The following COX7B2 variants were observed in gnomAD, a reference collection of about 807,000 sequenced individuals.
COX7B2 encodes cytochrome c oxidase subunit 7B2, mitochondrial.
For synonymous variants in COX7B2, 37 were observed against 32.1 expected (o/e 1.15, Z -0.51); for missense variants, 109 against 95.9 (o/e 1.14, Z -0.57).
chr4:46,779,017 T>C lies in COX7B2; in HGVS notation c.-49-43776A>G, dbSNP rs149994490. Among the ~76,000 whole-genome samples, 27 of 152,358 alleles carry C rather than the reference T, an allele frequency of 1.8e-4. 1 individual carries two copies. Among genetic ancestry groups the C allele is most frequent in the African/African-American group, 5.8e-4 (24 of 41,598 alleles). On this transcript the variant is annotated intron_variant, in intron 2 of 2. Coordinates refer to ENST00000355591, the MANE Select transcript of COX7B2 (RefSeq NM_130902.3). ...TACTGAAAATTTTTACATTCATTGA[T>C]ACAATTCTTTTGACAAAGAGTGTGG...
At chr4:46,753,375 A>G (rs775489115) in intron 2 of COX7B2, among the ~76,000 whole-genome samples, 65 of 152,096 alleles carry the variant, frequency 4.3e-4, no homozygotes, top group Middle Eastern at 3.4e-3. Context: ...CCAGCACCCA[A>G]TGGAACAGAA....
At chr4:46,785,301 T>C (rs1317904446) in intron 2 of COX7B2, among the ~76,000 whole-genome samples, 1 of 151,888 alleles carries the variant, frequency 6.6e-6, no homozygotes, top group Non-Finnish European at 1.5e-5. Context: ...AATACAATAC[T>C]GCTTTCATTA....
intron 2 of COX7B2, among the ~76,000 whole-genome samples, chr4:46,770,024 T>TA (rs1716781638): frequency 6.6e-6 from 1 of 152,122 alleles, no homozygotes; most frequent in Admixed American, 6.6e-5. Flanking sequence ...GAGGAAGTGA[T>TA]AAAATGCATC....
chr4:46,746,538 A>C lies in COX7B2; in HGVS notation c.-49-11297T>G, dbSNP rs1715035887. On this transcript the variant is annotated intron_variant, in intron 2 of 2. Transcript: ENST00000355591. The stretch of plus-strand genomic sequence containing the variant: ...CAAAAGATGTCCAGTATACATTGAA[A>C]GTACAGTGGAAACAGAGGTTTATTC... Among the ~76,000 whole-genome samples the C allele has an allele frequency of 4.4e-5, 6 of 137,184 alleles. No homozygotes were observed. In the Admixed American group the frequency reaches 4.7e-4, roughly 11 times the overall value. 90.0% of individuals were successfully genotyped at this position (137,184 alleles called of 152,430 possible). A position where few individuals can be genotyped will look rare whatever the true frequency, so the allele number is the denominator to read the frequency against.
At chr4:46,778,772 G>T (rs1451100132) in intron 2 of COX7B2, among the ~76,000 whole-genome samples, 1 of 152,078 alleles carries the variant, frequency 6.6e-6, no homozygotes, top group East Asian at 1.9e-4. Context: ...TTTAGCATCT[G>T]TTACTTCAGT....
Position 46,810,381 on chromosome 4 carries a change from T to C in COX7B2, c.-50+34579A>G, listed in dbSNP as rs184429277. 2.0e-5 allele frequency among the ~76,000 whole-genome samples: 3 copies of C among 152,178 alleles called. No homozygotes were observed. In the East Asian group the frequency reaches 5.8e-4, roughly 29 times the overall value. ...CTCTCTTGTCATCTACCTTTATAATTTGATAATTTTCTGTAGTGCTAACTT... is the reference window on the plus strand; with the variant it reads ...CTCTCTTGTCATCTACCTTTATAATCTGATAATTTTCTGTAGTGCTAACTT... On this transcript the variant is annotated intron_variant, in intron 2 of 2. Coordinates refer to ENST00000355591, the MANE Select transcript of COX7B2 (RefSeq NM_130902.3).
chr4:46,779,081 A>G (rs2109544043), intron 2 of COX7B2, among the ~76,000 whole-genome samples: 1 of 152,338 alleles, frequency 6.6e-6, no homozygotes, highest in East Asian at 1.9e-4. Flanking sequence ...TGACCTGACA[A>G]TCCAACAAGT....
At chr4:46,758,751 T>C (rs1715952760) in intron 2 of COX7B2, among the ~76,000 whole-genome samples, 2 of 152,202 alleles carry the variant, frequency 1.3e-5, no homozygotes, top group South Asian at 4.1e-4. Flanking sequence ...CAAAGAGTAT[T>C]TGCCCAAAAA....
intron 2 of COX7B2, among the ~76,000 whole-genome samples, chr4:46,757,568 C>CA (rs550584678): frequency 1.1e-3 from 165 of 152,194 alleles, no homozygotes; most frequent in African/African-American, 3.4e-3. Context: ...CTTACTTCTA[C>CA]AAAATCTTAT....
chr4:46,888,709 G>A (rs1276003975), intron 1 of COX7B2, among the ~76,000 whole-genome samples: 1 of 152,084 alleles, frequency 6.6e-6, no homozygotes, highest in African/African-American at 2.4e-5. Context: ...GCCTCCCAAG[G>A]TGCTGGGATT....
chr4:46,780,612 C>T (rs1717397457), intron 2 of COX7B2, among the ~76,000 whole-genome samples: 1 of 152,234 alleles, frequency 6.6e-6, no homozygotes, highest in Non-Finnish European at 1.5e-5. Context: ...GCCTTGCAGA[C>T]ATTTGGTTCC....
chr4:46,748,937 G>T (rs953752357), intron 2 of COX7B2, among the ~76,000 whole-genome samples: 2 of 152,042 alleles, frequency 1.3e-5, no homozygotes, highest in South Asian at 4.1e-4. Flanking sequence ...CTGCATATAT[G>T]AACTCTCTTG....
chr4:46,797,451 T>A (rs955637035), intron 2 of COX7B2, among the ~76,000 whole-genome samples: 2 of 152,154 alleles, frequency 1.3e-5, no homozygotes, highest in African/African-American at 4.8e-5. Flanking sequence ...TTTCTCAAGT[T>A]CTGGAATGTA....
chr4:46,748,995 T>C (rs1715186379), intron 2 of COX7B2, among the ~76,000 whole-genome samples: 1 of 152,170 alleles, frequency 6.6e-6, no homozygotes, highest in Admixed American at 6.5e-5. Flanking sequence ...CCAACATTTC[T>C]CCTAAAATAG....
intron 2 of COX7B2, among the ~76,000 whole-genome samples, chr4:46,752,386 T>A (rs1290256448): frequency 6.6e-6 from 1 of 151,982 alleles, no homozygotes; most frequent in Admixed American, 6.6e-5. Context: ...TGACTTCCTC[T>A]TTTCCTAATT....
chr4:46,772,501 T>TA (rs1273607864), intron 2 of COX7B2, among the ~76,000 whole-genome samples: 2 of 152,162 alleles, frequency 1.3e-5, no homozygotes, highest in Non-Finnish European at 2.9e-5. Context: ...AGTTTGATGG[T>TA]AGTAATTATT....
chr4:46,888,134 G>A (rs1560438854), intron 1 of COX7B2, among the ~76,000 whole-genome samples: 1 of 152,156 alleles, frequency 6.6e-6, no homozygotes, highest in East Asian at 1.9e-4. Context: ...AGCTCAACAG[G>A]AGAAGCAAAG....
intron 1 of COX7B2, among the ~76,000 whole-genome samples, chr4:46,898,178 A>C (rs1209153772): frequency 2.0e-5 from 3 of 152,202 alleles, no homozygotes; most frequent in Non-Finnish European, 4.4e-5. Context: ...CTAAATATGC[A>C]TAAAGATTAA....
chr4:46,743,427 A>C (rs1714829359), intron 2 of COX7B2, among the ~76,000 whole-genome samples: 1 of 152,202 alleles, frequency 6.6e-6, no homozygotes, highest in African/African-American at 2.4e-5. Flanking sequence ...GAATGTAGGA[A>C]TGTATTTCAT....
Sources: allele counts gnomAD v4.1 joint callset (sites outside exome capture counted in the v4.1 genomes callset), GRCh38; gene constraint gnomAD v4.1.1; transcripts MANE v1.5; gene names NCBI Gene and HGNC (gene_info 2026-07-23, HGNC 2026-07-21).